Variants in PCDH15 observed in about 807,000 individuals in gnomAD.
PCDH15 encodes the protein protocadherin-15.
A neutral mutation model predicts 178.5 loss-of-function variants in PCDH15; 129 were observed. The observed-to-expected ratio is 0.72, with a 90% CI of 0.63 to 0.84. PCDH15 has a LOEUF of 0.84. Among genes scored for constraint, PCDH15 ranks in the 40% least tolerant of loss-of-function variants. The pLI is 0.00. For missense variants in PCDH15, 2,230 were observed against 2,099.9 expected (o/e 1.06, Z -1.21); for synonymous variants, 800 against 732.0 (o/e 1.09, Z -1.50).
chr10:54,305,135 T>C lies in PCDH15; in HGVS notation c.876+12136A>G, dbSNP rs545645290. On this transcript the variant is annotated intron_variant, in intron 8 of 37. Coordinates refer to ENST00000644397, the MANE Select transcript of PCDH15 (RefSeq NM_001384140.1). ...CATAATTTCTTTTCTGATGACCTCA[T>C]TGAATTCTAAACCATCTTTTAGCCA... Among the ~76,000 whole-genome samples the C allele has an allele frequency of 1.2e-3, 186 of 152,244 alleles. 1 individual carries two copies. The highest frequency in any genetic ancestry group is 2.0e-3 in the Non-Finnish European group (137 of 67,958).
chr10:54,810,588 C>G (rs977698714), intron 3 of PCDH15, among the ~76,000 whole-genome samples: 1 of 152,112 alleles, frequency 6.6e-6, no homozygotes, highest in East Asian at 1.9e-4. Flanking sequence ...TGATGGTACC[C>G]CAAATCTTTT....
intron 3 of PCDH15, 42 bp downstream of exon 3, chr10:54,527,770 C>G: frequency 6.7e-7 from 1 of 1,500,670 alleles, no homozygotes; most frequent in Non-Finnish European, 9.2e-7. Flanking sequence ...CTGAAGAAAA[C>G]CCTCTTAGAT....
At chr10:55,534,992 G>A (rs866311857) in intron 2 of PCDH15, among the ~76,000 whole-genome samples, 7 of 151,898 alleles carry the variant, frequency 4.6e-5, no homozygotes, top group African/African-American at 1.7e-4. Context: ...ATTTATAAGT[G>A]GGAGCTAAAC....
At chr10:55,088,655 G>A (rs1359015890) in intron 2 of PCDH15, among the ~76,000 whole-genome samples, 1 of 151,956 alleles carries the variant, frequency 6.6e-6, no homozygotes, top group Admixed American at 6.6e-5. Context: ...GCAATGTACA[G>A]GTAGAATTTA....
chr10:54,035,901 G>A (rs1444733169), intron 18 of PCDH15, among the ~76,000 whole-genome samples: 2 of 151,908 alleles, frequency 1.3e-5, no homozygotes, highest in Admixed American at 1.3e-4. Flanking sequence ...ACAAATCATA[G>A]GAAAGTAAAA....
intron 25 of PCDH15, 96 bp from the exon 26 acceptor site, chr10:53,903,466 A>T: frequency 6.9e-7 from 1 of 1,457,410 alleles, no homozygotes; most frequent in Non-Finnish European, 9.5e-7. Context: ...TTTTGGAAAC[A>T]TTGAAAATAA....
intron 2 of PCDH15, among the ~76,000 whole-genome samples, chr10:54,919,614 T>C (rs1051362524): frequency 6.6e-6 from 1 of 152,206 alleles, no homozygotes; most frequent in African/African-American, 2.4e-5. Context: ...TTGGTGTTTT[T>C]CTGTTTCTGT....
At chr10:54,656,306 T>C (rs931534357) in intron 2 of PCDH15, among the ~76,000 whole-genome samples, 28 of 150,784 alleles carry the variant, frequency 1.9e-4, no homozygotes, top group African/African-American at 5.3e-4. Flanking sequence ...CTGGCAGAGA[T>C]TGACCCCCAA....
intron 3 of PCDH15, among the ~76,000 whole-genome samples, chr10:54,883,630 T>C (rs1184673125): frequency 1.3e-5 from 2 of 152,000 alleles, no homozygotes; most frequent in African/African-American, 2.4e-5. Flanking sequence ...AAGAGTAATG[T>C]ATACCATATA....
At chr10:55,297,367 A>C (rs894082198) in intron 1 of PCDH15, among the ~76,000 whole-genome samples, 1 of 152,132 alleles carries the variant, frequency 6.6e-6, no homozygotes, top group Admixed American at 6.5e-5. Context: ...ATTTACATTA[A>C]AATGTGTTTA....
At chr10:54,138,166 G>A (rs537459651) in intron 14 of PCDH15, among the ~76,000 whole-genome samples, 3 of 152,140 alleles carry the variant, frequency 2.0e-5, no homozygotes, top group Non-Finnish European at 4.4e-5. Context: ...ATGACTGAAA[G>A]TGGGAAGCAT....
intron 2 of PCDH15, among the ~76,000 whole-genome samples, chr10:55,580,008 C>T (rs1842576339): frequency 6.6e-6 from 1 of 152,022 alleles, no homozygotes; most frequent in Non-Finnish European, 1.5e-5. Context: ...AGGCACCTGC[C>T]ACCACGCCTG....
intron 2 of PCDH15, among the ~76,000 whole-genome samples, chr10:54,530,323 A>C (rs1296757053): frequency 6.6e-6 from 1 of 151,952 alleles, no homozygotes; most frequent in African/African-American, 2.4e-5. Context: ...CCTACGCATC[A>C]CCTCTTCTTG....
intron 1 of PCDH15, among the ~76,000 whole-genome samples, chr10:54,773,772 T>G (rs1949361393): frequency 6.6e-6 from 1 of 152,162 alleles, no homozygotes; most frequent in Non-Finnish European, 1.5e-5. Flanking sequence ...TTTTTCTAGC[T>G]GTTTTTATTT....
intron 1 of PCDH15, among the ~76,000 whole-genome samples, chr10:55,279,921 G>A (rs1391149908): frequency 1.3e-5 from 2 of 152,066 alleles, no homozygotes; most frequent in Admixed American, 6.5e-5. Context: ...GGTGAGAGAT[G>A]GCATTTTTTA....
intron 26 of PCDH15, among the ~76,000 whole-genome samples, chr10:53,897,659 T>C (rs10825157): frequency 0.64 from 97,278 of 151,872 alleles, 32,319 homozygotes; most frequent in East Asian, 0.87. Context: ...TCCCAAACGG[T>C]AACAGAGTAG....
chr10:53,981,020 T>A (rs2090594873), intron 21 of PCDH15, among the ~76,000 whole-genome samples: 1 of 152,194 alleles, frequency 6.6e-6, no homozygotes, highest in Non-Finnish European at 1.5e-5. Context: ...AATTCAATAA[T>A]TATGAGTATG....
At chr10:55,106,876 A>G (rs1837362240) in intron 2 of PCDH15, among the ~76,000 whole-genome samples, 1 of 152,198 alleles carries the variant, frequency 6.6e-6, no homozygotes, top group South Asian at 2.1e-4. Context: ...TAACTCCTCA[A>G]CTTAACTCCT....
At chr10:55,069,551 G>T (rs1275183922) in intron 2 of PCDH15, among the ~76,000 whole-genome samples, 1 of 141,088 alleles carries the variant, frequency 7.1e-6, no homozygotes, top group African/African-American at 2.6e-5. Context: ...TCTTGCGATA[G>T]TTTACTGAGA....
Sources: gnomAD v4.1 joint callset for allele counts (sites outside exome capture counted in the v4.1 genomes callset) on GRCh38, gnomAD v4.1.1 for gene constraint, MANE v1.5 for transcripts, NCBI Gene and HGNC (gene_info 2026-07-23, HGNC 2026-07-21) for gene names.